The following ASIC2 variants were observed in gnomAD, a reference collection of about 807,000 sequenced individuals.
ASIC2 encodes the protein acid sensing ion channel subunit 2.
In ASIC2, 25 loss-of-function variants were observed where a neutral mutation model predicts 57.3. The ratio of observed to expected loss-of-function variants is 0.44; its 90% CI spans 0.32 to 0.61. ASIC2 has a LOEUF of 0.61. Among genes scored for constraint, ASIC2 ranks in the 20% least tolerant of loss-of-function variants. The probability of loss-of-function intolerance (pLI) is 0.06; values close to 1 mark genes in which losing one functional copy is unlikely to be tolerated. For synonymous variants in ASIC2, 319 were observed against 307.5 expected (o/e 1.04, Z -0.39); for missense variants, 641 against 738.1 (o/e 0.87, Z 1.52).
chr17:33,159,861 G>C (rs1905112418), intron 1 of ASIC2, among the ~76,000 whole-genome samples: 1 of 152,148 alleles, frequency 6.6e-6, no homozygotes, highest in South Asian at 2.1e-4. Flanking sequence ...CTATATCTGG[G>C]AAAATTTGGT....
At chr17:33,126,856 CTTTTT>C (rs1159710708) in intron 1 of ASIC2, among the ~76,000 whole-genome samples, 2 of 85,324 alleles carry the variant, frequency 2.3e-5, no homozygotes, top group Non-Finnish European at 2.1e-5. Flanking sequence ...TACCATTACT[CTTTTT>C]TTTTTTTTTT....
chr17:33,106,914 T>C (rs1333924963), intron 2 of ASIC2, among the ~76,000 whole-genome samples: 1 of 152,206 alleles, frequency 6.6e-6, no homozygotes, highest in Non-Finnish European at 1.5e-5. Context: ...TGAAAAGAAT[T>C]CAGAGGGAGG....
intron 1 of ASIC2, among the ~76,000 whole-genome samples, chr17:33,475,394 AC>A (rs1913187866): frequency 6.6e-6 from 1 of 152,166 alleles, no homozygotes; most frequent in South Asian, 2.1e-4. Context: ...GTGAGTGTTC[AC>A]CTATCTGTGT....
chr17:33,367,145 T>G (rs2030694687), intron 1 of ASIC2, among the ~76,000 whole-genome samples: 1 of 152,246 alleles, frequency 6.6e-6, no homozygotes, highest in Admixed American at 6.5e-5. Flanking sequence ...TCCTTCCTGC[T>G]GGTGCTTCCA....
intron 1 of ASIC2, among the ~76,000 whole-genome samples, chr17:33,506,800 T>TA (rs766912710): frequency 6.6e-6 from 1 of 152,162 alleles, no homozygotes. Flanking sequence ...TCAATGTAAA[T>TA]AAAAAAACAC....
intron 1 of ASIC2, among the ~76,000 whole-genome samples, chr17:33,736,883 T>G (rs981205299): frequency 7.2e-5 from 11 of 152,360 alleles, no homozygotes; most frequent in African/African-American, 2.6e-4. Context: ...CATGGGCATG[T>G]TTTTGGCCAA....
Position 33,686,539 on chromosome 17 carries a change from G to A in ASIC2, c.555+469439C>T, listed in dbSNP as rs138657425. ...TCCCCACCTGAAACCCCCTCAGGCT[G>A]GTTGAGATCCATGGGCAACTCTGCT... On this transcript the variant is annotated intron_variant, in intron 1 of 9. Transcript: ENST00000359872. 6.6e-4 allele frequency among the ~76,000 whole-genome samples: 100 copies of A among 152,312 alleles called. 1 individual carries two copies. Among genetic ancestry groups the A allele is most frequent in the Middle Eastern group, 3.4e-3 (1 of 294 alleles).
chr17:33,399,486 C>T (rs1406045647), intron 1 of ASIC2, among the ~76,000 whole-genome samples: 1 of 152,166 alleles, frequency 6.6e-6, no homozygotes, highest in Non-Finnish European at 1.5e-5. Flanking sequence ...GACCAACCCA[C>T]TCTTCATCCT....
At chr17:33,368,305 G>C (rs571209498) in intron 1 of ASIC2, among the ~76,000 whole-genome samples, 4 of 152,350 alleles carry the variant, frequency 2.6e-5, no homozygotes, top group Admixed American at 1.3e-4. Context: ...GTGGGATAGA[G>C]AGGCCACATG....
At chr17:33,182,508 T>C (rs1906024103) in intron 1 of ASIC2, among the ~76,000 whole-genome samples, 1 of 152,176 alleles carries the variant, frequency 6.6e-6, no homozygotes, top group South Asian at 2.1e-4. Flanking sequence ...TGAACCACCA[T>C]CAAGAAAATC....
At chr17:33,337,761 A>G (rs1290729341) in intron 1 of ASIC2, among the ~76,000 whole-genome samples, 1 of 140,220 alleles carries the variant, frequency 7.1e-6, no homozygotes, top group Non-Finnish European at 1.6e-5. Context: ...AGAAAATGTA[A>G]GTGTTCCTTC....
At chr17:33,785,497 G>A (rs909828726) in intron 1 of ASIC2, among the ~76,000 whole-genome samples, 2 of 152,150 alleles carry the variant, frequency 1.3e-5, no homozygotes, top group African/African-American at 4.8e-5. Context: ...GCTGGAATGT[G>A]GCTGAACCAG....
At chr17:33,050,990 T>C (rs1007175229) in intron 3 of ASIC2, among the ~76,000 whole-genome samples, 1 of 152,162 alleles carries the variant, frequency 6.6e-6, no homozygotes, top group African/African-American at 2.4e-5. Flanking sequence ...TGGCTAGTCA[T>C]GGAGTCAGAA....
At chr17:34,085,454 C>A (rs149489900) in intron 1 of ASIC2, among the ~76,000 whole-genome samples, 2,413 of 152,176 alleles carry the variant, frequency 0.016, 74 homozygotes, top group African/African-American at 0.055. Context: ...ATTTTATTGA[C>A]GATTTTTGCA....
At chr17:33,701,250 A>G (rs569211682) in intron 1 of ASIC2, among the ~76,000 whole-genome samples, 2 of 152,278 alleles carry the variant, frequency 1.3e-5, no homozygotes, top group African/African-American at 4.8e-5. Flanking sequence ...CGGAGGGGGC[A>G]TATGAGGACT....
intron 1 of ASIC2, among the ~76,000 whole-genome samples, chr17:33,317,404 C>T (rs1362178203): frequency 6.6e-6 from 1 of 152,206 alleles, no homozygotes; most frequent in Non-Finnish European, 1.5e-5. Flanking sequence ...TTCTTCATTG[C>T]TTATACTTGC....
intron 1 of ASIC2, among the ~76,000 whole-genome samples, chr17:34,085,365 G>A (rs577165120): frequency 8.5e-5 from 13 of 152,312 alleles, no homozygotes; most frequent in Admixed American, 3.3e-4. Context: ...TATTGAACCA[G>A]ACTTGCATCC....
chr17:33,538,014 A>G (rs186280541), intron 1 of ASIC2, among the ~76,000 whole-genome samples: 32 of 152,342 alleles, frequency 2.1e-4, no homozygotes, highest in African/African-American at 7.7e-4. Flanking sequence ...TCTGTAGAAA[A>G]GGGTTAATGA....
intron 1 of ASIC2, among the ~76,000 whole-genome samples, chr17:33,245,445 G>A (rs757468374): frequency 3.3e-5 from 5 of 152,108 alleles, no homozygotes; most frequent in Admixed American, 6.5e-5. Flanking sequence ...ACTGAGCCCC[G>A]GGCACTGTGC....
Sources: gnomAD v4.1 joint callset for allele counts (sites outside exome capture counted in the v4.1 genomes callset) on GRCh38, gnomAD v4.1.1 for gene constraint, MANE v1.5 for transcripts, NCBI Gene and HGNC (gene_info 2026-07-23, HGNC 2026-07-21) for gene names.